Variants in COL22A1 observed in about 807,000 individuals in gnomAD.
COL22A1 encodes the protein collagen alpha-1(XXII) chain.
A neutral mutation model predicts 248.9 loss-of-function variants in COL22A1; 221 were observed. The observed-to-expected ratio is 0.89, with a 90% confidence interval of 0.80 to 0.99. The LOEUF (loss-of-function observed/expected upper bound fraction) is 0.99, where lower values mean the gene tolerates loss of function less well. Ranked by LOEUF, COL22A1 falls within the 50% of genes least tolerant of loss-of-function variation. COL22A1 has a pLI of 0.00. For synonymous variants in COL22A1, 891 were observed against 793.4 expected (o/e 1.12, Z -2.07); for missense variants, 2,240 against 2,179.0 (o/e 1.03, Z -0.56).
chr8:138,643,749 G>T (rs1821948057), intron 47 of COL22A1, among the ~76,000 whole-genome samples: 1 of 151,984 alleles, frequency 6.6e-6, no homozygotes, highest in African/African-American at 2.4e-5. Context: ...ACCCAGGCTG[G>T]AGTGCAGTGT....
At chr8:138,679,431 G>A (rs1424906486) in intron 40 of COL22A1, among the ~76,000 whole-genome samples, 186 bp downstream of exon 40, 2 of 152,152 alleles carry the variant, frequency 1.3e-5, no homozygotes, top group African/African-American at 4.8e-5. Context: ...CATGGTATTT[G>A]TTTGCTCTTC....
chr8:138,684,347 T>C, intron 39 of COL22A1, 78 bp downstream of exon 39: 1 of 900,346 alleles, frequency 1.1e-6, no homozygotes, highest in East Asian at 2.4e-5. Context: ...TAACCGGAGA[T>C]GCTTATAATC....
chr8:138,721,039 T>C (rs574978623), intron 26 of COL22A1, among the ~76,000 whole-genome samples: 1 of 152,334 alleles, frequency 6.6e-6, no homozygotes, highest in East Asian at 1.9e-4. Context: ...GCATTCTCTC[T>C]TATTGAGAGA....
chr8:138,613,874 C>T lies in COL22A1; in HGVS notation c.3971G>A (p.Gly1324Asp). ...TCGCAAAGCAAAACTCACCGGTGGG[C>T]CCCTTGGTCCTTGGGGACCCTGTGG... ...TGPQGPQGPR[G>D]PPGKNGSPGS... Residue 1324 changes from glycine to aspartate, a missense_variant, in exon 56 of 65, where the codon GGC becomes GAC. Gly to Asp is a moderately conservative substitution (Grantham distance 94). Transcript: ENST00000303045. 3.1e-6 allele frequency: 5 copies of T among 1,613,840 alleles called. No homozygotes were observed. The highest frequency in any genetic ancestry group is 4.2e-6 in the Non-Finnish European group (5 of 1,179,712).
chr8:138,850,608 C>T (rs529579856), intron 3 of COL22A1, among the ~76,000 whole-genome samples: 1 of 152,306 alleles, frequency 6.6e-6, no homozygotes, highest in African/African-American at 2.4e-5. Context: ...AAGGTAAGGG[C>T]CTGCCAGGGC....
chr8:138,702,015 T>C (rs1828014951), intron 31 of COL22A1, among the ~76,000 whole-genome samples: 1 of 152,240 alleles, frequency 6.6e-6, no homozygotes, highest in South Asian at 2.1e-4. Flanking sequence ...CTTTTTATTG[T>C]CATAAGTGAT....
At chr8:138,710,619 A>C (rs955931959) in intron 30 of COL22A1, among the ~76,000 whole-genome samples, 3 of 151,350 alleles carry the variant, frequency 2.0e-5, no homozygotes, top group African/African-American at 4.9e-5. Context: ...ATATATATAT[A>C]TCTCCATTTC....
At chr8:138,656,733 C>A (rs1386128364) in intron 44 of COL22A1, among the ~76,000 whole-genome samples, 1 of 152,166 alleles carries the variant, frequency 6.6e-6, no homozygotes, top group Non-Finnish European at 1.5e-5. Context: ...TGGTGTGCTA[C>A]TTTGCAAAAT....
chr8:138,878,813 C>T (rs1823952131), intron 2 of COL22A1, among the ~76,000 whole-genome samples: 1 of 152,046 alleles, frequency 6.6e-6, no homozygotes, highest in South Asian at 2.1e-4. Context: ...CGAGACCATC[C>T]TGGCTAACGC....
At chr8:138,698,283 G>A (rs1358811017) in intron 32 of COL22A1, among the ~76,000 whole-genome samples, 8 of 152,194 alleles carry the variant, frequency 5.3e-5, no homozygotes, top group African/African-American at 1.7e-4. Flanking sequence ...CTGAAGCAAC[G>A]GCGGTACAGA....
chr8:138,720,735 A>G lies in COL22A1; in HGVS notation c.2355+4T>C, dbSNP rs766303276. 1 of 1,613,190 alleles carries G rather than the reference A, an allele frequency of 6.2e-7. No individual in the cohort carries two copies. Among genetic ancestry groups the G allele is most frequent in the South Asian group, 1.1e-5 (1 of 91,048 alleles). ...ATAATGGGAAAAAGAGGCAAAGTCCATACCCGAAGGCCTGGTTTTCCAGGC... is the reference window on the plus strand; with the variant it reads ...ATAATGGGAAAAAGAGGCAAAGTCCGTACCCGAAGGCCTGGTTTTCCAGGC... On this transcript the variant is annotated splice_donor_region_variant and intron_variant, in intron 27 of 64. Transcript: ENST00000303045.
chr8:138,878,608 A>G (rs1477647993), intron 2 of COL22A1, among the ~76,000 whole-genome samples: 1 of 152,170 alleles, frequency 6.6e-6, no homozygotes, highest in Non-Finnish European at 1.5e-5. Context: ...CAATCTCTTC[A>G]CTTTTATTTT....
intron 42 of COL22A1, among the ~76,000 whole-genome samples, 156 bp downstream of exon 42, chr8:138,663,549 G>A (rs1024431670): frequency 3.9e-5 from 6 of 152,126 alleles, no homozygotes; most frequent in African/African-American, 1.4e-4. Context: ...GTATTCCACA[G>A]GTCAGAGTTC....
In COL22A1 at chr8:138,648,268, C is replaced by T. The variant is rs79382235; in HGVS notation, c.3447+1397G>A. On this transcript the variant is annotated intron_variant, in intron 46 of 64. Coordinates refer to ENST00000303045, the MANE Select transcript of COL22A1 (RefSeq NM_152888.3). ...CGCCCACGAGTGTATGGAGAAATTT[C>T]GAGGACTGTGGCATGCCCACGGGGT... Among the ~76,000 whole-genome samples, 322 of 152,228 alleles carry T rather than the reference C, an allele frequency of 2.1e-3. 1 individual carries two copies. The highest frequency in any genetic ancestry group is 7.2e-3 in the African/African-American group (301 of 41,550).
At chr8:138,893,506 A>T (rs952282671) in intron 1 of COL22A1, among the ~76,000 whole-genome samples, 1 of 152,246 alleles carries the variant, frequency 6.6e-6, no homozygotes, top group Admixed American at 6.5e-5. Flanking sequence ...CACTACTTTT[A>T]TTACTTTCCA....
intron 47 of COL22A1, 55 bp from the exon 48 acceptor site, chr8:138,636,850 C>T: frequency 7.0e-7 from 1 of 1,425,770 alleles, no homozygotes; most frequent in South Asian, 1.2e-5. Flanking sequence ...AATAGGAAAA[C>T]AAAAATCATT....
chr8:138,905,486 C>T (rs1814938590), intron 1 of COL22A1, among the ~76,000 whole-genome samples: 2 of 152,100 alleles, frequency 1.3e-5, no homozygotes, highest in African/African-American at 2.4e-5. Flanking sequence ...TGTTTCATAC[C>T]GGGAAACCTC....
At chr8:138,843,317 C>T (rs1821018846) in intron 4 of COL22A1, among the ~76,000 whole-genome samples, 2 of 152,126 alleles carry the variant, frequency 1.3e-5, no homozygotes, top group South Asian at 4.1e-4. Context: ...TCACATGGCT[C>T]CCTGCTAGGA....
At chr8:138,753,426 C>G (rs1388058688) in intron 21 of COL22A1, among the ~76,000 whole-genome samples, 1 of 152,302 alleles carries the variant, frequency 6.6e-6, no homozygotes, top group South Asian at 2.1e-4. Flanking sequence ...ATGTATTGTA[C>G]TAAATCCCAT....
Sources: allele counts gnomAD v4.1 joint callset (sites outside exome capture counted in the v4.1 genomes callset), GRCh38; gene constraint gnomAD v4.1.1; transcripts MANE v1.5; gene names NCBI Gene and HGNC (gene_info 2026-07-23, HGNC 2026-07-21).